Variants in DCC observed in about 807,000 individuals in gnomAD.
DCC encodes the protein netrin receptor DCC.
DCC carries 58 observed loss-of-function variants against 172.5 expected under a neutral mutation model. The ratio of observed to expected loss-of-function variants is 0.34; its 90% CI spans 0.27 to 0.42. The LOEUF (loss-of-function observed/expected upper bound fraction) is 0.42. DCC is among the 10% of genes least tolerant of loss of function. The pLI is 1.00. For synonymous variants in DCC, 709 were observed against 644.5 expected (o/e 1.10, Z -1.52); for missense variants, 1,740 against 1,791.0 (o/e 0.97, Z 0.51).
chr18:52,619,759 C>T (rs1270041161), intron 1 of DCC, among the ~76,000 whole-genome samples: 1 of 152,028 alleles, frequency 6.6e-6, no homozygotes, highest in African/African-American at 2.4e-5. Context: ...TTAACCTTAC[C>T]TAGAATAAAG....
At chr18:52,620,029 G>A (rs1366812459) in intron 1 of DCC, among the ~76,000 whole-genome samples, 1 of 152,166 alleles carries the variant, frequency 6.6e-6, no homozygotes, top group African/African-American at 2.4e-5. Context: ...CCATTGGAAA[G>A]GCCATTGAGG....
chr18:53,461,408 G>A (rs187497130), intron 24 of DCC, among the ~76,000 whole-genome samples: 370 of 152,076 alleles, frequency 2.4e-3, no homozygotes, highest in African/African-American at 8.7e-3. Flanking sequence ...GGTTTTTATG[G>A]TTTTAGGTCT....
chr18:52,453,309 T>G (rs1238862634), intron 1 of DCC, among the ~76,000 whole-genome samples: 2 of 152,234 alleles, frequency 1.3e-5, no homozygotes, highest in Non-Finnish European at 2.9e-5. Flanking sequence ...CAATGAATAT[T>G]TGATAAGTAC....
intron 13 of DCC, among the ~76,000 whole-genome samples, chr18:53,311,335 C>T (rs1653630640): frequency 6.6e-6 from 1 of 152,094 alleles, no homozygotes; most frequent in South Asian, 2.1e-4. Flanking sequence ...TTTGGCCAGG[C>T]TGGTCTCGAA....
intron 2 of DCC, among the ~76,000 whole-genome samples, chr18:52,900,099 G>C (rs915953701): frequency 6.6e-6 from 1 of 152,118 alleles, no homozygotes; most frequent in Non-Finnish European, 1.5e-5. Flanking sequence ...TAGGACAACT[G>C]GTTCTATCCG....
chr18:53,162,882 CTTCT>C (rs1381785860), intron 8 of DCC, among the ~76,000 whole-genome samples: 3 of 152,158 alleles, frequency 2.0e-5, no homozygotes, highest in African/African-American at 7.2e-5. Context: ...CTGTTTTTAT[CTTCT>C]TTATCCACTG....
chr18:53,061,934 AACAG>A (rs893781674), intron 5 of DCC, among the ~76,000 whole-genome samples: 5 of 152,112 alleles, frequency 3.3e-5, no homozygotes, highest in East Asian at 1.9e-4. Context: ...TCTTTGGGAA[AACAG>A]ACAGCAGAAT....
intron 2 of DCC, among the ~76,000 whole-genome samples, chr18:52,802,909 G>A (rs1415548688): frequency 6.6e-6 from 1 of 151,762 alleles, no homozygotes; most frequent in Non-Finnish European, 1.5e-5. Flanking sequence ...GTTATATATT[G>A]CATTCTTGCA....
At chr18:53,446,866 C>T (rs878953440) in intron 22 of DCC, among the ~76,000 whole-genome samples, 1 of 152,074 alleles carries the variant, frequency 6.6e-6, no homozygotes, top group Admixed American at 6.6e-5. Flanking sequence ...TTGGTGACTT[C>T]ACTGTTTAAA....
Position 53,179,033 on chromosome 18 carries a change from T to C in DCC, c.1490T>C (p.Met497Thr). The C allele has an allele frequency of 3.7e-6, 6 of 1,614,064 alleles. No homozygotes were observed. Among genetic ancestry groups the C allele is most frequent in the Non-Finnish European group, 5.1e-6 (6 of 1,179,966 alleles). The stretch of plus-strand genomic sequence containing the variant: ...GTGGGAAACCTGAAGCCAGAAGCCA[T>C]GTACACCTTTCGAGTTGTGGCTTAC... Reference protein sequence around the residue: ...LTVGNLKPEAMYTFRVVAYNE... With the variant: ...LTVGNLKPEATYTFRVVAYNE... The change falls in exon 9 of 29, where the codon ATG becomes ACG. Residue 497 changes from methionine (M) to threonine (T), a missense_variant. Coordinates refer to ENST00000442544, the MANE Select transcript of DCC (RefSeq NM_005215.4).
chr18:52,861,606 C>A (rs2039143320), intron 2 of DCC, among the ~76,000 whole-genome samples: 1 of 152,138 alleles, frequency 6.6e-6, no homozygotes, highest in Admixed American at 6.5e-5. Context: ...AGAAATAATT[C>A]TTGACTCTGG....
chr18:52,605,404 A>G (rs933948020), intron 1 of DCC, among the ~76,000 whole-genome samples: 4 of 152,166 alleles, frequency 2.6e-5, no homozygotes, highest in African/African-American at 7.2e-5. Flanking sequence ...AAGCTACTGC[A>G]TTCGATTTGT....
At chr18:53,327,212 C>A (rs1339365015) in intron 14 of DCC, among the ~76,000 whole-genome samples, 2 of 152,024 alleles carry the variant, frequency 1.3e-5, no homozygotes, top group African/African-American at 2.4e-5. Flanking sequence ...AAAACCAAAC[C>A]ACATTGTTTG....
chr18:52,965,082 A>G (rs1211252097), intron 5 of DCC: 1 of 152,152 alleles, frequency 6.6e-6, no homozygotes, highest in Non-Finnish European at 1.5e-5. Flanking sequence ...TATTCTACTC[A>G]TCTCAAGATC....
chr18:53,451,640 C>G (rs2045414416), intron 23 of DCC, among the ~76,000 whole-genome samples: 1 of 151,984 alleles, frequency 6.6e-6, no homozygotes, highest in African/African-American at 2.4e-5. Context: ...CAACTGTGTA[C>G]TTTACACTTT....
chr18:53,205,961 A>G (rs778213900), intron 10 of DCC, among the ~76,000 whole-genome samples: 1 of 151,688 alleles, frequency 6.6e-6, no homozygotes, highest in Non-Finnish European at 1.5e-5. Flanking sequence ...AGGGAGACAC[A>G]TGAAACTGAA....
Position 53,304,260 on chromosome 18 carries a change from G to T in DCC, c.1912-1318G>T, listed in dbSNP as rs936044227. On this transcript the variant is annotated intron_variant, in intron 12 of 28. Coordinates refer to ENST00000442544, the MANE Select transcript of DCC (RefSeq NM_005215.4). ...TGTGGGTTTCCAGGCTTGAGGGTGG[G>T]GCCTTTTGCCAGAGAACCACCTTCT... Among the ~76,000 whole-genome samples, 10 of 152,160 alleles carry T rather than the reference G, an allele frequency of 6.6e-5. 1 individual carries two copies. In the South Asian group the frequency reaches 2.1e-3, roughly 32 times the overall value.
chr18:52,853,449 C>T (rs868603039), intron 2 of DCC, among the ~76,000 whole-genome samples: 1 of 152,182 alleles, frequency 6.6e-6, no homozygotes, highest in Admixed American at 6.5e-5. Flanking sequence ...AATTTCACAA[C>T]CATTTTATGA....
intron 1 of DCC, among the ~76,000 whole-genome samples, chr18:52,624,015 A>G (rs2034527477): frequency 6.6e-6 from 1 of 152,158 alleles, no homozygotes; most frequent in Non-Finnish European, 1.5e-5. Flanking sequence ...ACAAAAGAGC[A>G]TTGGTTTCAT....
Sources: gnomAD v4.1 joint callset for allele counts (sites outside exome capture counted in the v4.1 genomes callset) on GRCh38, gnomAD v4.1.1 for gene constraint, MANE v1.5 for transcripts, NCBI Gene and HGNC (gene_info 2026-07-23, HGNC 2026-07-21) for gene names.